The following MRPL37 variants were observed in gnomAD, a reference collection of about 807,000 sequenced individuals.
MRPL37 encodes the protein mitochondrial ribosomal protein L37, also known as large ribosomal subunit protein mL37.
Under a neutral mutation model 44.1 loss-of-function variants are expected in MRPL37, and 34 were observed. The observed-to-expected ratio is 0.77, with a 90% CI of 0.59 to 1.03. The LOEUF is 1.03. Among genes scored for constraint, MRPL37 ranks in the 50% least tolerant of loss-of-function variants. The pLI is 0.00. For synonymous variants in MRPL37, 212 were observed against 219.5 expected, an observed-to-expected ratio of 0.97 and a Z score of 0.30; for missense variants, 532 against 543.7, an observed-to-expected ratio of 0.98 and a Z score of 0.21.
chr1:54,211,935 C>T (rs1644168178), intron 4 of MRPL37, among the ~76,000 whole-genome samples: 1 of 152,238 alleles, frequency 6.6e-6, no homozygotes, highest in South Asian at 2.1e-4. Context: ...CTGAAAAGAA[C>T]AAGTACTAAA....
downstream of MRPL37, chr1:54,220,873 T>C (rs1453448116): frequency 2.4e-5 from 11 of 457,046 alleles, no homozygotes; most frequent in Non-Finnish European, 4.6e-6. Flanking sequence ...GACATTCCCA[T>C]TGTGAACGTA....
At chr1:54,211,421 A>G (rs758846232) in intron 4 of MRPL37, among the ~76,000 whole-genome samples, 1 of 152,108 alleles carries the variant, frequency 6.6e-6, no homozygotes, top group Non-Finnish European at 1.5e-5. Flanking sequence ...GAGCAGGCTG[A>G]AGGACCAAAC....
downstream of MRPL37, among the ~76,000 whole-genome samples, chr1:54,219,980 AC>A (rs1644222017): frequency 6.6e-6 from 1 of 152,052 alleles, no homozygotes; most frequent in South Asian, 2.1e-4. Flanking sequence ...TGCAGTGAGC[AC>A]CCTCGTTCAT....
At chr1:54,214,957 A>G (rs561244171) in intron 5 of MRPL37, among the ~76,000 whole-genome samples, 1 of 152,302 alleles carries the variant, frequency 6.6e-6, no homozygotes, top group East Asian at 1.9e-4. Flanking sequence ...TGTGGCCCAC[A>G]CTGAGGTCTG....
chr1:54,201,903 T>C (rs1231268176), intron 1 of MRPL37, among the ~76,000 whole-genome samples: 1 of 152,210 alleles, frequency 6.6e-6, no homozygotes, highest in Non-Finnish European at 1.5e-5. Context: ...ATTTTATCTA[T>C]TGTCAAGTTT....
intron 6 of MRPL37, among the ~76,000 whole-genome samples, chr1:54,217,423 C>T (rs962727504): frequency 2.0e-5 from 3 of 152,192 alleles, no homozygotes; most frequent in Admixed American, 6.5e-5. Flanking sequence ...CCTCTCCCTT[C>T]CAGGATACTG....
intron 6 of MRPL37, among the ~76,000 whole-genome samples, chr1:54,217,027 G>A (rs1193693420): frequency 1.3e-5 from 2 of 152,134 alleles, no homozygotes; most frequent in Admixed American, 6.5e-5. Context: ...TGTGTAGTGG[G>A]CAGTAGCAGT....
At chr1:54,216,487 C>T in intron 6 of MRPL37, 143 bp downstream of exon 6, 1 of 948,496 alleles carries the variant, frequency 1.1e-6, no homozygotes, top group African/African-American at 1.6e-5. Flanking sequence ...GCCTGGAGGA[C>T]TCCTTCAGTC....
downstream of MRPL37, among the ~76,000 whole-genome samples, chr1:54,223,936 C>T (rs1557429263): frequency 6.6e-6 from 1 of 152,238 alleles, no homozygotes; most frequent in Non-Finnish European, 1.5e-5. Flanking sequence ...AACTAACCTG[C>T]ACCAGGGCCA....
chr1:54,219,672 A>G (rs1644220427), downstream of MRPL37, among the ~76,000 whole-genome samples: 1 of 152,250 alleles, frequency 6.6e-6, no homozygotes. Flanking sequence ...TCAGGGAAAG[A>G]TAAGTCGACC....
chr1:54,203,405 C>T (rs1570137846), intron 1 of MRPL37, among the ~76,000 whole-genome samples: 2 of 138,232 alleles, frequency 1.4e-5, no homozygotes, highest in African/African-American at 2.7e-5. Context: ...GGGATCAGTA[C>T]AAAGGAAAAA....
downstream of MRPL37, among the ~76,000 whole-genome samples, chr1:54,222,250 G>C (rs1198436034): frequency 6.6e-6 from 1 of 152,220 alleles, no homozygotes; most frequent in Non-Finnish European, 1.5e-5. Flanking sequence ...TGGGGACCCA[G>C]GGAGAGAGCT....
chr1:54,224,976 G>A (rs1188749985), downstream of MRPL37: 3 of 726,556 alleles, frequency 4.1e-6, no homozygotes, highest in Middle Eastern at 3.6e-4. Flanking sequence ...GCCAACAGTC[G>A]CCAACAGCAG....
intron 3 of MRPL37, among the ~76,000 whole-genome samples, chr1:54,206,916 TGTGTG>T (rs1479094808): frequency 6.6e-6 from 1 of 151,688 alleles, no homozygotes; most frequent in East Asian, 1.9e-4. Context: ...TGTGTGTGTG[TGTGTG>T]TGTGTATTTT....
At chr1:54,204,985 CCTT>C (rs36006392) in intron 1 of MRPL37, 30 bp from the exon 2 acceptor site, 334,158 of 1,587,482 alleles carry the variant, frequency 0.21, 39,208 homozygotes, top group Middle Eastern at 0.32. Context: ...CTTTTTCTTT[CCTT>C]CTTTATTTTT....
At chr1:54,210,544 G>A (rs569129966) in intron 4 of MRPL37, among the ~76,000 whole-genome samples, 13 of 152,212 alleles carry the variant, frequency 8.5e-5, no homozygotes, top group African/African-American at 2.9e-4. Flanking sequence ...ACCCCCTTTA[G>A]GAACTGAGGA....
Position 54,210,019 on chromosome 1 carries a change from C to T in MRPL37, c.720C>T (p.Ala240=), listed in dbSNP as rs1047068468. 1 of 1,614,094 alleles carries T rather than the reference C, an allele frequency of 6.2e-7. No homozygotes were observed. The highest frequency in any genetic ancestry group is 1.3e-5 in the African/African-American group (1 of 74,940). ...CTAAGGATCCTCTGCCCACCATCGC[C>T]TCCAGAGAGGAGATTGAAGCTACTA... The part of the protein sequence containing the change: ...LSTKDPLPTI[A]SREEIEATKN... Residue 240 remains alanine, a synonymous_variant, in exon 4 of 7, where the codon GCC becomes GCT. Coordinates refer to ENST00000360840, the MANE Select transcript of MRPL37 (RefSeq NM_016491.4).
At chr1:54,201,129 A>C (rs767123878) in intron 1 of MRPL37, among the ~76,000 whole-genome samples, 120 of 152,308 alleles carry the variant, frequency 7.9e-4, no homozygotes, top group Non-Finnish European at 1.4e-3. Context: ...CAGTACCAGA[A>C]ATTATTTTCC....
chr1:54,209,210 T>C lies in MRPL37; in HGVS notation c.647-736T>C, dbSNP rs530492752. Reference sequence around the variant, plus strand: ...TGGTTCCCCAGGTTACAGCAGGTGCTCAGGAAGATCTGGATGGGGCAGGCT... The same window carrying C: ...TGGTTCCCCAGGTTACAGCAGGTGCCCAGGAAGATCTGGATGGGGCAGGCT... On this transcript the variant is annotated intron_variant, in intron 3 of 6. Coordinates refer to ENST00000360840, the MANE Select transcript of MRPL37 (RefSeq NM_016491.4). Among the ~76,000 whole-genome samples the C allele has an allele frequency of 3.9e-5, 6 of 152,256 alleles. No individual in the cohort carries two copies. The South Asian group carries it at 1.2e-3, about 32-fold the overall frequency.
Sources: gnomAD v4.1 joint callset for allele counts (sites outside exome capture counted in the v4.1 genomes callset) on GRCh38, gnomAD v4.1.1 for gene constraint, MANE v1.5 for transcripts, NCBI Gene and HGNC (gene_info 2026-07-23, HGNC 2026-07-21) for gene names.